The following METAP1 variants were observed in gnomAD, a reference collection of about 807,000 sequenced individuals.
METAP1 encodes the protein methionyl aminopeptidase 1, also known as methionine aminopeptidase 1.
In METAP1, 28 loss-of-function variants were observed where a neutral mutation model predicts 53.8. That is an observed-to-expected ratio of 0.52 (90% CI 0.39 to 0.71). The LOEUF is 0.71. Among genes scored for constraint, METAP1 ranks in the 30% least tolerant of loss-of-function variants. The probability of loss-of-function intolerance (pLI) is 0.00; values close to 1 mark genes in which losing one functional copy is unlikely to be tolerated. For synonymous variants in METAP1, 181 were observed against 165.7 expected (o/e 1.09, Z -0.71); for missense variants, 389 against 479.8 (o/e 0.81, Z 1.77).
chr4:99,050,078 G>T (rs1042880322), intron 9 of METAP1, among the ~76,000 whole-genome samples: 1 of 152,140 alleles, frequency 6.6e-6, no homozygotes, highest in Non-Finnish European at 1.5e-5. Context: ...ACTTCATGCT[G>T]ACGAGTAAGG....
intron 1 of METAP1, among the ~76,000 whole-genome samples, chr4:99,006,184 A>G (rs954943910): frequency 9.9e-5 from 15 of 152,202 alleles, no homozygotes; most frequent in Non-Finnish European, 1.9e-4. Context: ...CAAAAATTTA[A>G]AAGGGTTTAA....
intron 1 of METAP1, chr4:99,026,858 C>T: frequency 1.0e-6 from 1 of 985,126 alleles, no homozygotes; most frequent in Non-Finnish European, 1.2e-6. Flanking sequence ...GATGGGTGTC[C>T]TTAAAGAGGT....
At chr4:98,999,736 C>T (rs1722834501) in intron 1 of METAP1, among the ~76,000 whole-genome samples, 1 of 151,534 alleles carries the variant, frequency 6.6e-6, no homozygotes, top group Non-Finnish European at 1.5e-5. Flanking sequence ...TGGTCTGTAA[C>T]TCCTGACCTC....
At chr4:99,053,680 AAGACTTG>A (rs1726891621) in intron 9 of METAP1, among the ~76,000 whole-genome samples, 1 of 152,176 alleles carries the variant, frequency 6.6e-6, no homozygotes, top group Non-Finnish European at 1.5e-5. Flanking sequence ...CTTAAATAAT[AAGACTTG>A]AAAGTCAAAA....
chr4:99,041,020 T>A (rs1238511288), intron 5 of METAP1, 23 bp from the exon 6 acceptor site: 1 of 1,570,534 alleles, frequency 6.4e-7, no homozygotes, highest in Admixed American at 1.7e-5. Flanking sequence ...TTTTTTAATG[T>A]ATTGAGTGTT....
At chr4:99,020,364 TGAGAAGCCAGCTCTTCGGAAGCGCA>T (rs1173813241) in intron 1 of METAP1, among the ~76,000 whole-genome samples, 1 of 151,962 alleles carries the variant, frequency 6.6e-6, no homozygotes, top group Non-Finnish European at 1.5e-5. Flanking sequence ...AGGGAAGAGC[TGAGAAGCCAGCTCTTCGGAAGCGCA>T]GGGAAAGGGA....
At position 99,040,022 on chromosome 4, in the gene METAP1, C is replaced by T. The variant is rs189528619; in HGVS notation, c.432+557C>T. ...GATTACAGGCGTGAGCCATTGTGCC[C>T]GGTTTAGCCATGCTTTTCATTAAAC... On this transcript the variant is annotated intron_variant, in intron 5 of 10. Transcript: ENST00000296411. Among the ~76,000 whole-genome samples the T allele has an allele frequency of 9.3e-4, 141 of 152,302 alleles. 1 individual carries two copies. The highest frequency in any genetic ancestry group is 8.5e-3 in the East Asian group (44 of 5,190).
rs771976847 is a variant in METAP1 at position 99,061,269 on chromosome 4, A to T, written c.1113A>T (p.Leu371=). ...LLVTDTGCEI[L]TRRLDSARPH... Reference sequence around the variant, plus strand: ...TCACAGACACTGGCTGTGAAATCCTAACCCGGCGACTTGACAGTGCACGGC... The same window carrying T: ...TCACAGACACTGGCTGTGAAATCCTTACCCGGCGACTTGACAGTGCACGGC... Residue 371 remains leucine (L), a synonymous_variant, in exon 11 of 11, where the codon CTA becomes CTT. Transcript: ENST00000296411. 1.2e-6 allele frequency: 2 copies of T among 1,613,946 alleles called. No homozygotes were observed. The highest frequency in any genetic ancestry group is 8.5e-7 in the Non-Finnish European group (1 of 1,179,872).
At chr4:99,037,134 TCATATCCTTAGC>T (rs1297505320) in intron 4 of METAP1, among the ~76,000 whole-genome samples, 14 of 152,032 alleles carry the variant, frequency 9.2e-5, no homozygotes, top group African/African-American at 3.4e-4. Flanking sequence ...AAATGTTTAT[TCATATCCTTAGC>T]CTTTTTTTCC....
At chr4:99,040,993 AT>A (rs1410791124) in intron 5 of METAP1, 49 bp from the exon 6 acceptor site, 3 of 1,321,728 alleles carry the variant, frequency 2.3e-6, no homozygotes, top group African/African-American at 1.4e-5. Flanking sequence ...AAGGGTATAG[AT>A]TTCTGTTTCT....
At chr4:99,058,165 C>G (rs546703891) in intron 10 of METAP1, among the ~76,000 whole-genome samples, 1 of 152,268 alleles carries the variant, frequency 6.6e-6, no homozygotes, top group South Asian at 2.1e-4. Flanking sequence ...GGGAACAGAG[C>G]AGAGCATTGA....
At chr4:99,051,430 G>A (rs567220244) in intron 9 of METAP1, among the ~76,000 whole-genome samples, 8 of 151,506 alleles carry the variant, frequency 5.3e-5, no homozygotes, top group South Asian at 2.1e-4. Context: ...TCGCTGTGTC[G>A]CCTAGGCTAA....
rs1200864458 is a variant in METAP1, at chr4:99,058,917, TA to T, written c.997+1100del. On this transcript the variant is annotated intron_variant, in intron 10 of 10. Coordinates refer to ENST00000296411, the MANE Select transcript of METAP1 (RefSeq NM_015143.3). ...CTGAGATGATTTATGTTATGTTATA[TA>T]CTTTAAAAGACTGCACAAATGTGCA... Among the ~76,000 whole-genome samples, 7 of 152,246 alleles carry T rather than the reference TA, an allele frequency of 4.6e-5. No individual in the cohort carries two copies. In the South Asian group the frequency reaches 6.2e-4, roughly 13 times the overall value.
intron 6 of METAP1, among the ~76,000 whole-genome samples, chr4:99,042,286 G>A (rs200529412): frequency 6.9e-6 from 1 of 145,372 alleles, no homozygotes; most frequent in African/African-American, 2.6e-5. Context: ...TTTTTTTTTT[G>A]TAATTGAGGA....
chr4:99,007,757 G>A (rs1230236931), intron 1 of METAP1, among the ~76,000 whole-genome samples: 2 of 152,138 alleles, frequency 1.3e-5, no homozygotes, highest in African/African-American at 4.8e-5. Flanking sequence ...TTTGATTAGT[G>A]TTATCACCTT....
At chr4:99,031,101 G>GTTTTTTTTTTTTTT (rs56082818) in intron 2 of METAP1, among the ~76,000 whole-genome samples, 6 of 109,918 alleles carry the variant, frequency 5.5e-5, no homozygotes, top group Non-Finnish European at 1.1e-4. Flanking sequence ...CTCAAAGGTA[G>GTTTTTTTTTTTTTT]TTTTTTTTTT....
intron 4 of METAP1, chr4:99,039,166 G>T: frequency 2.5e-6 from 1 of 405,168 alleles, no homozygotes; most frequent in Non-Finnish European, 4.4e-6. Context: ...TTATCTTTTA[G>T]AATTTTTTCT....
At position 98,996,569 on chromosome 4, in the gene METAP1, A is replaced by T. The variant is rs114704591; in HGVS notation, c.114+702A>T. On this transcript the variant is annotated intron_variant, in intron 1 of 10. Transcript: ENST00000296411. Reference sequence around the variant, plus strand: ...ATTTACAAAACTGTAAGCTAACGGGATGAGTCACCTGTGACTGAATTTCCC... The same window carrying T: ...ATTTACAAAACTGTAAGCTAACGGGTTGAGTCACCTGTGACTGAATTTCCC... 7.2e-3 allele frequency among the ~76,000 whole-genome samples: 1,096 copies of T among 152,378 alleles called. 9 individuals carry two copies. The highest frequency in any genetic ancestry group is 0.025 in the African/African-American group (1,037 of 41,596).
At position 99,005,972 on chromosome 4, in the gene METAP1, G is replaced by A. The variant is rs76938514; in HGVS notation, c.114+10105G>A. Reference sequence around the variant, plus strand: ...TAAGAAACTACATATTTAGTACAATGTACATACTAGGATGACTGCACTAAA... The same window carrying A: ...TAAGAAACTACATATTTAGTACAATATACATACTAGGATGACTGCACTAAA... On this transcript the variant is annotated intron_variant, in intron 1 of 10. Coordinates refer to ENST00000296411, the MANE Select transcript of METAP1 (RefSeq NM_015143.3). 422 of 182,824 alleles carry A rather than the reference G, an allele frequency of 2.3e-3. 4 individuals are homozygous for A. The highest frequency in any genetic ancestry group is 9.4e-3 in the African/African-American group (398 of 42,326). 11.3% of individuals were successfully genotyped at this position (182,824 alleles called of 1,614,324 possible). A position where few individuals can be genotyped will look rare whatever the true frequency, so the allele number is the denominator to read the frequency against.
Sources: gnomAD v4.1 joint callset for allele counts (sites outside exome capture counted in the v4.1 genomes callset) on GRCh38, gnomAD v4.1.1 for gene constraint, MANE v1.5 for transcripts, NCBI Gene and HGNC (gene_info 2026-07-23, HGNC 2026-07-21) for gene names.